The following SLC14A2 variants were observed in gnomAD, a reference collection of about 807,000 sequenced individuals.
The protein encoded by SLC14A2 is solute carrier family 14 member 2.
Under a neutral mutation model 104.6 loss-of-function variants are expected in SLC14A2, and 91 were observed. The observed-to-expected ratio is 0.87, with a 90% CI of 0.73 to 1.04. SLC14A2 has a LOEUF of 1.04. Ranked by LOEUF, SLC14A2 falls within the 50% of genes least tolerant of loss-of-function variation. The probability of loss-of-function intolerance (pLI) is 0.00; values close to 1 mark genes in which losing one functional copy is unlikely to be tolerated. For synonymous variants in SLC14A2, 476 were observed against 466.4 expected (o/e 1.02, Z -0.27); for missense variants, 1,189 against 1,156.0 (o/e 1.03, Z -0.41).
the SLC14A2 span, among the ~76,000 whole-genome samples, chr18:45,179,034 T>C: frequency 1.3e-5 from 2 of 152,178 alleles, no homozygotes; most frequent in Non-Finnish European, 2.9e-5. Context: ...CTGACAGATA[T>C]AGGTAAACAG....
intron 1 of SLC14A2, among the ~76,000 whole-genome samples, chr18:45,300,979 G>A (rs1172478679): frequency 6.6e-6 from 1 of 152,202 alleles, no homozygotes; most frequent in Non-Finnish European, 1.5e-5. Context: ...ACAGGAAGGG[G>A]AGATTGTGAC....
chr18:45,398,585 T>TTA (rs34462258), intron 1 of SLC14A2, among the ~76,000 whole-genome samples: 82,860 of 151,264 alleles, frequency 0.55, 23,034 homozygotes, highest in Admixed American at 0.62. Flanking sequence ...CAAATTGTGG[T>TTA]TATATACATA....
At chr18:45,281,720 G>A (rs1236149460) in intron 1 of SLC14A2, among the ~76,000 whole-genome samples, 1 of 152,194 alleles carries the variant, frequency 6.6e-6, no homozygotes, top group Non-Finnish European at 1.5e-5. Flanking sequence ...AATGGCTAAG[G>A]AGGGTGAAGT....
At chr18:45,224,365 A>G (rs1398488179) in intron 1 of SLC14A2, among the ~76,000 whole-genome samples, 1 of 152,230 alleles carries the variant, frequency 6.6e-6, no homozygotes, top group Non-Finnish European at 1.5e-5. Context: ...GGGAGTAAGA[A>G]CAGCAACCTT....
At chr18:45,497,118 A>G (rs1262797313) in intron 2 of SLC14A2, among the ~76,000 whole-genome samples, 1 of 152,108 alleles carries the variant, frequency 6.6e-6, no homozygotes, top group African/African-American at 2.4e-5. Flanking sequence ...ACTCCCATAT[A>G]TATGGGAGTG....
At chr18:45,277,606 G>A (rs928470858) in intron 1 of SLC14A2, among the ~76,000 whole-genome samples, 3 of 152,036 alleles carry the variant, frequency 2.0e-5, no homozygotes, top group Non-Finnish European at 4.4e-5. Flanking sequence ...ACAGGGTCTT[G>A]CCATGTTGCT....
At chr18:45,285,671 C>CAA (rs1032730130) in intron 1 of SLC14A2, among the ~76,000 whole-genome samples, 2 of 143,086 alleles carry the variant, frequency 1.4e-5, no homozygotes, top group Non-Finnish European at 3.1e-5. Flanking sequence ...GCCCCCCCCC[C>CAA]CCCTCGGCCT....
intron 1 of SLC14A2, among the ~76,000 whole-genome samples, chr18:45,323,060 G>A (rs770586455): frequency 6.6e-5 from 10 of 152,126 alleles, no homozygotes; most frequent in African/African-American, 1.9e-4. Context: ...GCATCCTAAT[G>A]AATAGTGGTC....
chr18:45,654,143 G>GGC (rs909400720), intron 10 of SLC14A2, among the ~76,000 whole-genome samples: 7 of 151,734 alleles, frequency 4.6e-5, no homozygotes, highest in Non-Finnish European at 1.0e-4. Flanking sequence ...ATGCTGGGGG[G>GGC]GACGTGGGTG....
intron 16 of SLC14A2, among the ~76,000 whole-genome samples, chr18:45,671,914 T>C (rs1423351224): frequency 6.6e-6 from 1 of 152,156 alleles, no homozygotes; most frequent in East Asian, 1.9e-4. Flanking sequence ...ATTTCCAGGA[T>C]CCTCTTCCCA....
chr18:45,220,142 C>G (rs889139514), intron 1 of SLC14A2, among the ~76,000 whole-genome samples: 4 of 146,250 alleles, frequency 2.7e-5, no homozygotes, highest in African/African-American at 7.6e-5. Flanking sequence ...GAAGTCATTC[C>G]TAATAGAGCT....
intron 10 of SLC14A2, among the ~76,000 whole-genome samples, chr18:45,661,834 G>A (rs570165280): frequency 1.1e-4 from 17 of 152,290 alleles, no homozygotes; most frequent in African/African-American, 1.9e-4. Context: ...CTGCACAGAC[G>A]TCCCAGGACA....
chr18:45,233,148 A>G (rs542954819), intron 1 of SLC14A2, among the ~76,000 whole-genome samples: 1 of 152,130 alleles, frequency 6.6e-6, no homozygotes, highest in African/African-American at 2.4e-5. Flanking sequence ...TGGAATCCAC[A>G]TATCGGAGTG....
intron 1 of SLC14A2, among the ~76,000 whole-genome samples, chr18:45,452,946 A>T (rs2542986): frequency 6.6e-6 from 1 of 152,082 alleles, no homozygotes; most frequent in Non-Finnish European, 1.5e-5. Flanking sequence ...TGGCCCACTG[A>T]AGCAATTGCT....
At chr18:45,561,442 C>T (rs893946579) in intron 2 of SLC14A2, among the ~76,000 whole-genome samples, 4 of 152,144 alleles carry the variant, frequency 2.6e-5, no homozygotes, top group African/African-American at 9.7e-5. Flanking sequence ...GTTCCAGAGG[C>T]CACGTTCCTG....
the SLC14A2 span, among the ~76,000 whole-genome samples, chr18:45,175,457 A>G: frequency 2.0e-5 from 3 of 152,244 alleles, no homozygotes; most frequent in South Asian, 4.1e-4. Context: ...GGGCAATACC[A>G]TTAGTTGCAT....
chr18:45,350,589 C>T (rs1437654640), intron 1 of SLC14A2, among the ~76,000 whole-genome samples: 2 of 152,150 alleles, frequency 1.3e-5, no homozygotes, highest in African/African-American at 2.4e-5. Context: ...TGACGGGTCA[C>T]ACATTAGGTA....
intron 2 of SLC14A2, among the ~76,000 whole-genome samples, chr18:45,514,907 A>G (rs2043415914): frequency 1.3e-5 from 2 of 152,250 alleles, no homozygotes; most frequent in South Asian, 4.1e-4. Flanking sequence ...ATTTCTACCT[A>G]TCATGGCTAT....
At chr18:45,529,119 C>G (rs1312953153) in intron 2 of SLC14A2, 3 of 152,210 alleles carry the variant, frequency 2.0e-5, no homozygotes, top group Admixed American at 1.3e-4. Context: ...GCCAAGAGCC[C>G]TGCTCAAATT....
Sources: allele counts gnomAD v4.1 joint callset (sites outside exome capture counted in the v4.1 genomes callset), GRCh38; gene constraint gnomAD v4.1.1; transcripts MANE v1.5; gene names NCBI Gene and HGNC (gene_info 2026-07-23, HGNC 2026-07-21).